CD99L2: variants seen among roughly 807,000 people sequenced by gnomAD.
CD99L2 encodes CD99 antigen-like protein 2.
CD99L2 carries 24 observed loss-of-function variants against 27.3 expected under a neutral mutation model. That is an observed-to-expected ratio of 0.88 (90% CI 0.64 to 1.24). CD99L2 has a LOEUF of 1.24. Ranked by LOEUF, CD99L2 falls within the 50% of genes most tolerant of loss-of-function variation. CD99L2 has a pLI of 0.00. For synonymous variants in CD99L2, 97 were observed against 87.9 expected, an observed-to-expected ratio of 1.10 and a Z score of -0.58; for missense variants, 255 against 221.6, an observed-to-expected ratio of 1.15 and a Z score of -0.96.
At chrX:150,815,044 A>C in intron 3 of CD99L2, 108 bp from the exon 4 acceptor site, 1 of 726,860 alleles carries the variant, frequency 1.4e-6, no homozygotes, top group Non-Finnish European at 2.1e-6. Context: ...AATACCAACA[A>C]TGGGTTAAGA....
At chrX:150,890,810 G>C (rs781921408) in intron 1 of CD99L2, among the ~76,000 whole-genome samples, 30 of 113,141 alleles carry the variant, frequency 2.7e-4, no homozygotes, top group Non-Finnish European at 5.2e-4. Flanking sequence ...GCGGCCATCA[G>C]GACTGGAGGA....
chrX:150,878,175 T>C (rs886470078), intron 1 of CD99L2, among the ~76,000 whole-genome samples: 1 of 109,709 alleles, frequency 9.1e-6, no homozygotes, highest in Non-Finnish European at 1.9e-5. Context: ...CTGTCTCTAC[T>C]AAAAATACAA....
chrX:150,842,920 C>T (rs187302313), intron 1 of CD99L2, among the ~76,000 whole-genome samples: 2 of 111,753 alleles, frequency 1.8e-5, no homozygotes, highest in Admixed American at 1.9e-4. Flanking sequence ...ATCTCCATGC[C>T]AACACCACAC....
intron 4 of CD99L2, among the ~76,000 whole-genome samples, chrX:150,802,076 T>C (rs59222506): frequency 0.066 from 7,393 of 111,282 alleles, 195 homozygotes; most frequent in South Asian, 0.13. Flanking sequence ...ATATACAGAT[T>C]GGAAAGGAAG....
Position 150,795,334 on chromosome X carries a change from T to C in CD99L2, c.347-45A>G, listed in dbSNP as rs200234495. The C allele has an allele frequency of 1.6e-4, 190 of 1,204,950 alleles. 1 individual carries two copies. The African/African-American group carries it at 2.6e-3, about 17-fold the overall frequency. On this transcript the variant is annotated intron_variant, in intron 5 of 10. Coordinates refer to ENST00000370377, the MANE Select transcript of CD99L2 (RefSeq NM_031462.4). ...AAAAGAAATACTCAATTAGTTCATC[T>C]ATGGGTAGCTCATTTGGATCCTGTC...
At chrX:150,775,885 G>C (rs782207552) in intron 9 of CD99L2, among the ~76,000 whole-genome samples, 2 of 112,533 alleles carry the variant, frequency 1.8e-5, no homozygotes, top group African/African-American at 6.5e-5. Flanking sequence ...AAACATCACA[G>C]TGGTCACTGA....
intron 1 of CD99L2, among the ~76,000 whole-genome samples, chrX:150,893,326 C>T (rs1175362039): frequency 9.0e-6 from 1 of 110,596 alleles, no homozygotes; most frequent in Admixed American, 9.7e-5. Context: ...CTCTCCCTAT[C>T]ATGCCACTGT....
rs1224082598 is a variant in CD99L2, at chrX:150,859,503, T to C, written c.68-28210A>G. Among the ~76,000 whole-genome samples, 4 of 98,285 alleles carry C rather than the reference T, an allele frequency of 4.1e-5. No homozygotes were observed. In the East Asian group the frequency reaches 1.4e-3, roughly 35 times the overall value. 85.3% of individuals were successfully genotyped at this position (98,285 alleles called of 115,157 possible). A position where few individuals can be genotyped will look rare whatever the true frequency, so the allele number is the denominator to read the frequency against. On this transcript the variant is annotated intron_variant, in intron 1 of 10. Transcript: ENST00000370377. ...AACAACAGCGAAACTCTGTCTCTTTTTTTTTTTTTTTGAGATGGACTTTTG... is the reference window on the plus strand; with the variant it reads ...AACAACAGCGAAACTCTGTCTCTTTCTTTTTTTTTTTGAGATGGACTTTTG...
chrX:150,771,941 T>G, intron 9 of CD99L2: 1 of 813,993 alleles, frequency 1.2e-6, no homozygotes, highest in Admixed American at 2.8e-5. Flanking sequence ...AGCATGGGCC[T>G]TTTGGCAGCA....
At chrX:150,786,422 C>A (rs571495061) in intron 7 of CD99L2, among the ~76,000 whole-genome samples, 1 of 110,691 alleles carries the variant, frequency 9.0e-6, no homozygotes, top group Non-Finnish European at 1.9e-5. Flanking sequence ...CCCCTCTATG[C>A]GTCTATGTGT....
chrX:150,895,019 G>A (rs1557423026), intron 1 of CD99L2, among the ~76,000 whole-genome samples: 2 of 111,854 alleles, frequency 1.8e-5, no homozygotes, highest in Admixed American at 9.5e-5. Flanking sequence ...TCAGCTAAGT[G>A]TTAAGTTCCT....
chrX:150,776,895 A>C (rs2043565658), intron 8 of CD99L2: 1 of 120,790 alleles, frequency 8.3e-6, no homozygotes, highest in African/African-American at 3.2e-5. Flanking sequence ...ATGAGACATC[A>C]ATCAATATGT....
chrX:150,771,922 AGG>A, intron 9 of CD99L2: 8 of 959,621 alleles, frequency 8.3e-6, no homozygotes, highest in Non-Finnish European at 1.1e-5. Context: ...AGGGAAGCCA[AGG>A]GTCCCCAGCA....
intron 1 of CD99L2, among the ~76,000 whole-genome samples, chrX:150,839,355 A>C (rs782367790): frequency 2.7e-4 from 30 of 111,500 alleles, no homozygotes; most frequent in Non-Finnish European, 5.3e-4. Flanking sequence ...GCAATCCTTG[A>C]GATTAGGGAA....
chrX:150,772,673 C>T, intron 9 of CD99L2, among the ~76,000 whole-genome samples: 1 of 112,719 alleles, frequency 8.9e-6, no homozygotes, highest in East Asian at 2.8e-4. Context: ...TCTATGGAAC[C>T]TTTTGGACGG....
At chrX:150,819,140 G>A in intron 2 of CD99L2, 2 of 346,555 alleles carry the variant, frequency 5.8e-6, no homozygotes, top group Non-Finnish European at 1.1e-5. Context: ...GTGGTCTTTG[G>A]CAAGGTCAAA....
At chrX:150,819,066 G>A (rs782182787) in intron 2 of CD99L2, 15 of 316,109 alleles carry the variant, frequency 4.7e-5, no homozygotes, top group African/African-American at 5.4e-5. Context: ...ATGGTAGACC[G>A]AATACAAATG....
chrX:150,807,632 A>G (rs2046014338), intron 4 of CD99L2, among the ~76,000 whole-genome samples: 1 of 112,513 alleles, frequency 8.9e-6, no homozygotes, highest in Admixed American at 9.4e-5. Flanking sequence ...TAAAGGTAAT[A>G]CTTGCTCAAT....
intron 4 of CD99L2, among the ~76,000 whole-genome samples, chrX:150,800,255 G>A (rs2045882210): frequency 1.8e-5 from 2 of 111,042 alleles, no homozygotes; most frequent in South Asian, 3.8e-4. Context: ...CTGTTGTAGG[G>A]GTATAGGGTT....
Sources: gnomAD v4.1 joint callset for allele counts (sites outside exome capture counted in the v4.1 genomes callset) on GRCh38, gnomAD v4.1.1 for gene constraint, MANE v1.5 for transcripts, NCBI Gene and HGNC (gene_info 2026-07-23, HGNC 2026-07-21) for gene names.